The following CUX2 variants were observed in gnomAD, a reference collection of about 807,000 sequenced individuals.
The protein encoded by CUX2 is homeobox protein cut-like 2.
In CUX2, 40 loss-of-function variants were observed where a neutral mutation model predicts 144.8. The ratio of observed to expected loss-of-function variants is 0.28; its 90% CI spans 0.21 to 0.36. CUX2 has a LOEUF of 0.36. CUX2 is among the 10% of genes least tolerant of loss of function. The pLI, the probability that CUX2 is intolerant of heterozygous loss-of-function variation, is 1.00. For missense variants in CUX2, 1,615 were observed against 1,994.0 expected (o/e 0.81, Z 3.62); for synonymous variants, 827 against 875.6 (o/e 0.94, Z 0.98).
In CUX2 at chr12:111,059,418, A is replaced by G. The variant is rs1870668219; in HGVS notation, c.63+25178A>G. Among the ~76,000 whole-genome samples, 1 of 152,242 alleles carries G rather than the reference A, an allele frequency of 6.6e-6. No individual in the cohort carries two copies. The highest frequency in any genetic ancestry group is 1.5e-5 in the Non-Finnish European group (1 of 68,042). On this transcript the variant is annotated intron_variant, in intron 1 of 21. Transcript: ENST00000261726. The surrounding 1 kb of genome is among the most constrained non-coding windows in gnomAD (Gnocchi z 5.3). ...TGGCCCCAGCGAGGGGCTTCTTGGC[A>G]GAGATAGCCAGGCCAACTCCCAGTG...
chr12:111,347,874 G>C lies in CUX2; in HGVS notation c.4010G>C (p.Gly1337Ala), dbSNP rs201485891. 3.1e-6 allele frequency: 5 copies of C among 1,614,122 alleles called. No individual in the cohort carries two copies. The highest frequency in any genetic ancestry group is 1.3e-5 in the African/African-American group (1 of 75,034). Residue 1337 changes from glycine (G) to alanine (A), a missense_variant, in exon 22 of 22, where the codon GGT becomes GCT. Transcript: ENST00000261726. Reference protein sequence around the residue: ...PPKEEHPDPPGNDGLPKVAPG... With the variant: ...PPKEEHPDPPANDGLPKVAPG... ...AAAGAGGAGCATCCCGACCCTCCGG[G>C]TAATGATGGACTCCCAAAAGTGGCT...
At chr12:111,123,670 A>G (rs1291438365) in intron 1 of CUX2, among the ~76,000 whole-genome samples, 1 of 151,896 alleles carries the variant, frequency 6.6e-6, no homozygotes, top group Non-Finnish European at 1.5e-5. Context: ...TGAGTAACTG[A>G]GACTATAGGT....
chr12:111,320,353 G>A lies in CUX2; in HGVS notation c.2344G>A (p.Ala782Thr), dbSNP rs557174004. 1.1e-4 allele frequency: 175 copies of A among 1,598,130 alleles called. 1 individual carries two copies. The highest frequency in any genetic ancestry group is 8.3e-4 in the South Asian group (76 of 91,056). Residue 782 changes from alanine (A) to threonine (T), a missense_variant, in exon 17 of 22, where the codon GCC (alanine) becomes ACC (threonine). Physicochemically the swap from Ala to Thr is moderately conservative, Grantham distance 58 (BLOSUM62 0). Coordinates refer to ENST00000261726, the MANE Select transcript of CUX2 (RefSeq NM_015267.4). The surrounding 1 kb of genome is among the most constrained non-coding windows in gnomAD (Gnocchi z 8.1). ...CAAGGTCAAGTCCGAGATCGGCGAC[G>A]CCGGCTACTTCGACCACCACTGGGC... ...IRKVKSEIGD[A>T]GYFDHHWASD... is the part of the protein sequence containing the mutation.
chr12:111,121,342 C>G (rs1366774721), intron 1 of CUX2, among the ~76,000 whole-genome samples: 3 of 113,704 alleles, frequency 2.6e-5, no homozygotes, highest in African/African-American at 9.0e-5. Context: ...TGTGTTTTTT[C>G]TTTCTTTTTG....
intron 18 of CUX2, among the ~76,000 whole-genome samples, chr12:111,332,707 A>AT (rs1173872429): frequency 3.3e-5 from 5 of 152,166 alleles, no homozygotes; most frequent in Non-Finnish European, 5.9e-5. Flanking sequence ...ACAGTTATTA[A>AT]TTTTGCCATA....
intron 1 of CUX2, among the ~76,000 whole-genome samples, chr12:111,136,179 A>G (rs987485375): frequency 6.6e-6 from 1 of 151,902 alleles, no homozygotes; most frequent in African/African-American, 2.4e-5. Context: ...ATGCAGGAAC[A>G]TCGCGTGTTC....
intron 1 of CUX2, chr12:111,099,722 G>A (rs1873086380): frequency 2.2e-6 from 1 of 456,204 alleles, no homozygotes; most frequent in Non-Finnish European, 4.4e-6. Context: ...TGGGTTTATT[G>A]GGCGCCGAAA....
At chr12:111,234,207 G>A (rs147690802) in intron 3 of CUX2, among the ~76,000 whole-genome samples, 2 of 152,186 alleles carry the variant, frequency 1.3e-5, no homozygotes, top group Admixed American at 6.5e-5. Flanking sequence ...TCACTGTCAG[G>A]GAATAGGACA....
intron 1 of CUX2, among the ~76,000 whole-genome samples, chr12:111,090,768 G>T (rs897750164): frequency 6.6e-5 from 10 of 151,838 alleles, no homozygotes; most frequent in Admixed American, 3.3e-4. Flanking sequence ...TTGTCCGGTG[G>T]TTTTTCAAAT....
chr12:111,260,806 C>T (rs1459155635), intron 3 of CUX2, among the ~76,000 whole-genome samples: 1 of 152,212 alleles, frequency 6.6e-6, no homozygotes, highest in East Asian at 1.9e-4. Flanking sequence ...CTTGTCCCCA[C>T]CCTTGCTCAG....
chr12:111,349,092 A>C lies in CUX2; in HGVS notation c.*767A>C, dbSNP rs1033147666. 3 of 152,568 alleles carry C rather than the reference A, an allele frequency of 2.0e-5. No individual in the cohort carries two copies. The highest frequency in any genetic ancestry group is 7.2e-5 in the African/African-American group (3 of 41,438). 9.5% of individuals were successfully genotyped at this position (152,568 alleles called of 1,614,324 possible). A position where few individuals can be genotyped will look rare whatever the true frequency, so the allele number is the denominator to read the frequency against. ...CCGTGGCCCAACCGTCCTATATGAG[A>C]TGTAGCATGGTACAGAACAAACTGC... On this transcript the variant is annotated 3_prime_UTR_variant, in exon 22 of 22. Coordinates refer to ENST00000261726, the MANE Select transcript of CUX2 (RefSeq NM_015267.4).
In CUX2 at chr12:111,304,111, G is replaced by A. The variant is rs773081019; in HGVS notation, c.754-99G>A. On this transcript the variant is annotated intron_variant, in intron 9 of 21. Coordinates refer to ENST00000261726, the MANE Select transcript of CUX2 (RefSeq NM_015267.4). The surrounding 1 kb of genome is among the most constrained non-coding windows in gnomAD (Gnocchi z 4.7). The stretch of plus-strand genomic sequence containing the variant: ...TAGGAAGGCAGGACCTGAGGCCCTC[G>A]GAGGTCTGCCTCCCCAACCCCTGCC... The A allele has an allele frequency of 3.4e-5, 31 of 906,700 alleles. No individual in the cohort carries two copies. Among genetic ancestry groups the A allele is most frequent in the Admixed American group, 1.9e-4 (9 of 47,818 alleles). 56.2% of individuals were successfully genotyped at this position (906,700 alleles called of 1,614,324 possible).
At chr12:111,327,782 C>T (rs1887887371) in intron 18 of CUX2, among the ~76,000 whole-genome samples, 1 of 152,138 alleles carries the variant, frequency 6.6e-6, no homozygotes, top group Non-Finnish European at 1.5e-5. Context: ...CAAGGCTAGG[C>T]ACAGTGCGTC....
intron 1 of CUX2, among the ~76,000 whole-genome samples, chr12:111,194,508 T>G (rs1204468085): frequency 1.3e-5 from 2 of 152,228 alleles, no homozygotes; most frequent in Non-Finnish European, 2.9e-5. Flanking sequence ...TTGGGGCCTT[T>G]CTGGAGAACT....
At chr12:111,224,961 A>G (rs1434471009) in intron 3 of CUX2, among the ~76,000 whole-genome samples, 1 of 151,958 alleles carries the variant, frequency 6.6e-6, no homozygotes, top group African/African-American at 2.4e-5. Flanking sequence ...GCTGGAGTGC[A>G]TTGGTGCATT....
intron 1 of CUX2, among the ~76,000 whole-genome samples, chr12:111,206,528 A>G (rs535152646): frequency 6.6e-6 from 1 of 152,320 alleles, no homozygotes; most frequent in East Asian, 1.9e-4. Context: ...CTCATAGTGT[A>G]TGTCGGCACA....
rs1886959401 is a variant in CUX2 at position 111,312,539 on chromosome 12, A to G, written c.2002+338A>G. 7.5e-6 allele frequency among the ~76,000 whole-genome samples: 1 copy of G among 133,956 alleles called. No homozygotes were observed. The highest frequency in any genetic ancestry group is 1.5e-5 in the Non-Finnish European group (1 of 66,468). 87.9% of individuals were successfully genotyped at this position (133,956 alleles called of 152,430 possible). ...AACATGGTAAAACCCCATCTCTACT[A>G]AAAATACAAAATTACCTGGGCATGG... On this transcript the variant is annotated intron_variant, in intron 16 of 21. Transcript: ENST00000261726. This position sits in a 1 kb window ranked among gnomAD's most constrained non-coding sequence, Gnocchi z 4.3.
chr12:111,241,439 T>C (rs529713578), intron 3 of CUX2, among the ~76,000 whole-genome samples: 35 of 152,282 alleles, frequency 2.3e-4, no homozygotes, highest in Admixed American at 1.6e-3. Flanking sequence ...GATAAAGAAA[T>C]ACATGCTGCT....
intron 1 of CUX2, among the ~76,000 whole-genome samples, chr12:111,075,947 A>G (rs1871515999): frequency 2.0e-5 from 3 of 152,206 alleles, no homozygotes; most frequent in African/African-American, 7.2e-5. Context: ...GGTGGCCGGG[A>G]ACTGTGCTAA....
Sources: allele counts gnomAD v4.1 joint callset (sites outside exome capture counted in the v4.1 genomes callset), GRCh38; gene constraint gnomAD v4.1.1; non-coding constraint Gnocchi (gnomAD v3.1); transcripts MANE v1.5; gene names NCBI Gene and HGNC (gene_info 2026-07-23, HGNC 2026-07-21).